Variants in SCHIP1 observed in about 807,000 individuals in gnomAD.
SCHIP1 encodes the protein schwannomin interacting protein 1.
SCHIP1 carries 8 observed loss-of-function variants against 29.7 expected under a neutral mutation model. The observed-to-expected ratio is 0.27, with a 90% CI of 0.16 to 0.49. SCHIP1 has a LOEUF of 0.49. Among genes scored for constraint, SCHIP1 ranks in the 20% least tolerant of loss-of-function variants. The pLI is 0.99. For missense variants in SCHIP1, 193 were observed against 294.6 expected (o/e 0.66, Z 2.52); for synonymous variants, 76 against 94.9 (o/e 0.80, Z 1.16).
chr3:159,789,503 C>G, the SCHIP1 span, among the ~76,000 whole-genome samples: 2 of 152,200 alleles, frequency 1.3e-5, no homozygotes, highest in Non-Finnish European at 2.9e-5. Context: ...CTCCAAATAA[C>G]TGTCATTTCA....
the SCHIP1 span, among the ~76,000 whole-genome samples, chr3:159,540,961 A>G: frequency 6.6e-6 from 1 of 152,088 alleles, no homozygotes; most frequent in African/African-American, 2.4e-5. Flanking sequence ...AATAACTAAC[A>G]CTAACCCATC....
At chr3:159,576,059 G>T in the SCHIP1 span, among the ~76,000 whole-genome samples, 1 of 152,160 alleles carries the variant, frequency 6.6e-6, no homozygotes, top group African/African-American at 2.4e-5. Context: ...TAAACTCACT[G>T]ATGTTTTTTG....
the SCHIP1 span, among the ~76,000 whole-genome samples, chr3:159,424,901 A>G: frequency 5.3e-4 from 81 of 152,298 alleles, no homozygotes; most frequent in Non-Finnish European, 1.0e-3. Context: ...ATTTTTAAAG[A>G]AAAGGATTTT....
the SCHIP1 span, among the ~76,000 whole-genome samples, chr3:159,615,532 A>G: frequency 2.6e-5 from 4 of 152,186 alleles, no homozygotes; most frequent in Non-Finnish European, 4.4e-5. Flanking sequence ...GGATTTAGAA[A>G]AAGGCACCTC....
chr3:159,759,263 TA>T, the SCHIP1 span, among the ~76,000 whole-genome samples: 1 of 152,194 alleles, frequency 6.6e-6, no homozygotes, highest in Non-Finnish European at 1.5e-5. Flanking sequence ...TATAGACTAG[TA>T]AGTTAAGATT....
At chr3:159,776,332 CTTTTTTTTTTT>C in the SCHIP1 span, among the ~76,000 whole-genome samples, 341 of 135,374 alleles carry the variant, frequency 2.5e-3, 1 homozygote, top group African/African-American at 8.0e-3. Flanking sequence ...AGTGTTCTGT[CTTTTTTTTTTT>C]TTTTTTTTTT....
chr3:159,520,097 A>T, the SCHIP1 span, among the ~76,000 whole-genome samples: 24 of 103,198 alleles, frequency 2.3e-4, no homozygotes, highest in African/African-American at 1.5e-4. Context: ...CTCATCAAAT[A>T]AAAAAAAAAA....
the SCHIP1 span, among the ~76,000 whole-genome samples, chr3:159,488,643 T>C: frequency 6.6e-6 from 1 of 151,654 alleles, no homozygotes; most frequent in African/African-American, 2.4e-5. Context: ...TGGGGAGAAA[T>C]TGCACAGAAA....
the SCHIP1 span, among the ~76,000 whole-genome samples, chr3:159,812,080 C>T: frequency 1.3e-5 from 2 of 150,730 alleles, no homozygotes; most frequent in African/African-American, 2.4e-5. Flanking sequence ...AAGCGATTCT[C>T]GTGCCTCAGC....
the SCHIP1 span, among the ~76,000 whole-genome samples, chr3:159,628,545 A>C: frequency 6.6e-6 from 1 of 152,220 alleles, no homozygotes; most frequent in Non-Finnish European, 1.5e-5. Flanking sequence ...AACAAGATAT[A>C]GAATTTCACC....
intron 1 of SCHIP1, among the ~76,000 whole-genome samples, chr3:159,864,303 G>C (rs557352338): frequency 4.6e-5 from 7 of 152,230 alleles, no homozygotes; most frequent in Admixed American, 3.3e-4. Flanking sequence ...CAAGTGGTTA[G>C]TGAAATAAAA....
At chr3:159,730,471 T>C in the SCHIP1 span, among the ~76,000 whole-genome samples, 2 of 152,360 alleles carry the variant, frequency 1.3e-5, no homozygotes, top group Admixed American at 1.3e-4. Flanking sequence ...ATTATTACTG[T>C]ATGAAATAAC....
chr3:159,868,432 C>T (rs752935811), intron 2 of SCHIP1, among the ~76,000 whole-genome samples: 53 of 152,132 alleles, frequency 3.5e-4, no homozygotes, highest in Middle Eastern at 6.8e-3. Context: ...CTCTTCTATT[C>T]TTCCTTTAGA....
the SCHIP1 span, among the ~76,000 whole-genome samples, chr3:159,788,293 A>T: frequency 6.6e-6 from 1 of 152,238 alleles, no homozygotes; most frequent in Non-Finnish European, 1.5e-5. Context: ...CCAGAAAAAC[A>T]AAGTACTGAT....
At chr3:159,878,727 G>A (rs1455040293) in intron 2 of SCHIP1, among the ~76,000 whole-genome samples, 11 of 140,646 alleles carry the variant, frequency 7.8e-5, no homozygotes, top group East Asian at 2.1e-4. Flanking sequence ...GCAGTGAGCC[G>A]AGATCCCGCC....
the SCHIP1 span, among the ~76,000 whole-genome samples, chr3:159,370,781 T>C: frequency 2.0e-5 from 3 of 152,166 alleles, no homozygotes; most frequent in Non-Finnish European, 2.9e-5. Flanking sequence ...TCCCCTGGAC[T>C]CCAGAATTAC....
chr3:159,538,958 T>A, the SCHIP1 span, among the ~76,000 whole-genome samples: 17 of 152,108 alleles, frequency 1.1e-4, no homozygotes, highest in African/African-American at 4.1e-4. Flanking sequence ...ATCTTACAGA[T>A]AAGAGCCTCT....
In SCHIP1 at chr3:159,887,939, T is replaced by C. The variant is rs761200134; in HGVS notation, c.465+34T>C. The C allele has an allele frequency of 1.4e-5, 22 of 1,610,994 alleles. No homozygotes were observed. The Middle Eastern group carries it at 6.8e-4, about 50-fold the overall frequency. ...CAAAGGCTGAAATGCAAGGAAGTGTTTGGGAGCCAGAAATGGTTGACACTG... is the reference window on the plus strand; with the variant it reads ...CAAAGGCTGAAATGCAAGGAAGTGTCTGGGAGCCAGAAATGGTTGACACTG... On this transcript the variant is annotated intron_variant, in intron 4 of 6. Transcript: ENST00000445224.
At chr3:159,374,651 A>G in the SCHIP1 span, among the ~76,000 whole-genome samples, 1 of 152,214 alleles carries the variant, frequency 6.6e-6, no homozygotes, top group Non-Finnish European at 1.5e-5. Context: ...ATCTATCATA[A>G]TGACCTCCCA....
Sources: gnomAD v4.1 joint callset for allele counts (sites outside exome capture counted in the v4.1 genomes callset) on GRCh38, gnomAD v4.1.1 for gene constraint, MANE v1.5 for transcripts, NCBI Gene and HGNC (gene_info 2026-07-23, HGNC 2026-07-21) for gene names.